Variants in PEBP1 observed in about 807,000 individuals in gnomAD.
PEBP1 encodes the protein phosphatidylethanolamine binding protein 1.
In PEBP1, 17 loss-of-function variants were observed where a neutral mutation model predicts 22.7. That is an observed-to-expected ratio of 0.75 (90% CI 0.51 to 1.12). The LOEUF (loss-of-function observed/expected upper bound fraction) is 1.12, where lower values mean the gene tolerates loss of function less well. Ranked by LOEUF, PEBP1 falls within the 50% of genes most tolerant of loss-of-function variation. PEBP1 has a pLI of 0.00. For missense variants in PEBP1, 205 were observed against 243.5 expected (o/e 0.84, Z 1.05); for synonymous variants, 106 against 104.3 (o/e 1.02, Z -0.10).
chr12:118,144,439 A>G lies in PEBP1; in HGVS notation c.347-147A>G. 4.1e-6 allele frequency: 3 copies of G among 726,560 alleles called. No individual in the cohort carries two copies. In the South Asian group the frequency reaches 5.4e-5, roughly 13 times the overall value. 45.0% of individuals were successfully genotyped at this position (726,560 alleles called of 1,614,324 possible). ...TAATTGCCATTAAATGTTAATTTGCACCAAATACCTGTCTGGACCCTCGGT... is the reference window on the plus strand; with the variant it reads ...TAATTGCCATTAAATGTTAATTTGCGCCAAATACCTGTCTGGACCCTCGGT... On this transcript the variant is annotated intron_variant, in intron 3 of 3. Transcript: ENST00000261313.
chr12:118,144,188 G>A (rs1415430634), intron 3 of PEBP1, among the ~76,000 whole-genome samples: 1 of 152,008 alleles, frequency 6.6e-6, no homozygotes, highest in East Asian at 1.9e-4. Flanking sequence ...GTGTTCTGAT[G>A]GGGGGTGGTG....
At chr12:118,138,330 G>A (rs2138082891) in intron 2 of PEBP1, among the ~76,000 whole-genome samples, 182 bp downstream of exon 2, 1 of 152,296 alleles carries the variant, frequency 6.6e-6, no homozygotes, top group South Asian at 2.1e-4. Flanking sequence ...ACAGCCGAGA[G>A]CCATATCCAC....
At chr12:118,139,071 T>G in intron 2 of PEBP1, 1 of 233,310 alleles carries the variant, frequency 4.3e-6, no homozygotes, top group South Asian at 4.6e-5. Flanking sequence ...TTCCAGCACT[T>G]TGGGAGGCCG....
intron 3 of PEBP1, among the ~76,000 whole-genome samples, chr12:118,143,481 A>G (rs773879764): frequency 1.3e-5 from 2 of 152,238 alleles, no homozygotes; most frequent in Non-Finnish European, 2.9e-5. Flanking sequence ...TTGTGTGTAT[A>G]AACCACATTC....
chr12:118,138,803 T>C (rs2034089236), intron 2 of PEBP1, among the ~76,000 whole-genome samples: 1 of 152,202 alleles, frequency 6.6e-6, no homozygotes, highest in Admixed American at 6.5e-5. Context: ...GTTAACGTTT[T>C]ATTGGAGCAA....
rs767503244 is a variant in PEBP1 at position 118,136,183 on chromosome 12, C to T, written c.-27C>T. ...CGCGCCTGGCCTACCGCGGCACTCC[C>T]GGCTGCACGCTCTGCTTGGCCTCGC... On this transcript the variant is annotated 5_prime_UTR_variant, in exon 1 of 4. Coordinates refer to ENST00000261313, the MANE Select transcript of PEBP1 (RefSeq NM_002567.4). This position sits in a 1 kb window ranked among gnomAD's most constrained non-coding sequence, Gnocchi z 5.6. 1 of 1,541,650 alleles carries T rather than the reference C, an allele frequency of 6.5e-7. No homozygotes were observed. Among genetic ancestry groups the T allele is most frequent in the East Asian group, 2.5e-5 (1 of 40,790 alleles).
At position 118,136,379 on chromosome 12, in the gene PEBP1, G is replaced by A; in HGVS notation, c.135+35G>A. On this transcript the variant is annotated intron_variant, in intron 1 of 3. Transcript: ENST00000261313. The surrounding 1 kb of genome is among the most constrained non-coding windows in gnomAD (Gnocchi z 5.6). Reference sequence around the variant, plus strand: ...GCGGCGGGCGTGCAGCGAGCGGCACGGCGCGGAGGCCTGTGCCGGCCTCCT... The same window carrying A: ...GCGGCGGGCGTGCAGCGAGCGGCACAGCGCGGAGGCCTGTGCCGGCCTCCT... 1.3e-6 allele frequency: 2 copies of A among 1,524,076 alleles called. No individual in the cohort carries two copies. The highest frequency in any genetic ancestry group is 2.5e-5 in the South Asian group (2 of 81,402). 94.4% of individuals were successfully genotyped at this position (1,524,076 alleles called of 1,614,324 possible). A position where few individuals can be genotyped will look rare whatever the true frequency, so the allele number is the denominator to read the frequency against.
rs570592739 is a variant in PEBP1, at chr12:118,139,556, G to C, written c.346+5G>C. Reference sequence around the variant, plus strand: ...CGGGGCCTCCCAAGGGCACAGGTTAGTAAAGGTTGTTTTTGGTGGGAGGTT... The same window carrying C: ...CGGGGCCTCCCAAGGGCACAGGTTACTAAAGGTTGTTTTTGGTGGGAGGTT... On this transcript the variant is annotated splice_donor_5th_base_variant and intron_variant, in intron 3 of 3. Transcript: ENST00000261313. 1 of 1,597,674 alleles carries C rather than the reference G, an allele frequency of 6.3e-7. No individual in the cohort carries two copies.
chr12:118,137,469 C>T (rs552525899), intron 1 of PEBP1, among the ~76,000 whole-genome samples: 47 of 152,126 alleles, frequency 3.1e-4, no homozygotes, highest in South Asian at 6.2e-4. Flanking sequence ...GAGGATCGAT[C>T]GATTGAGCGC....
At chr12:118,144,526 T>C in intron 3 of PEBP1, 60 bp from the exon 4 acceptor site, 1 of 1,488,152 alleles carries the variant, frequency 6.7e-7, no homozygotes, top group Non-Finnish European at 9.2e-7. Context: ...TAAAAATGGA[T>C]GATGTCCCCA....
intron 3 of PEBP1, among the ~76,000 whole-genome samples, chr12:118,143,787 C>G (rs1259260894): frequency 6.6e-6 from 1 of 151,908 alleles, no homozygotes; most frequent in African/African-American, 2.4e-5. Flanking sequence ...TACCTGTAAT[C>G]CTAGCTACTC....
In PEBP1 at chr12:118,138,683, A is replaced by T. The variant is rs112791490; in HGVS notation, c.245+535A>T. ...AGTGCTGGGATTACAGGTGTGAGCC[A>T]CTATGCCCGGCCTGGTTTTCACATT... is the stretch of plus-strand genomic sequence containing the variant. On this transcript the variant is annotated intron_variant, in intron 2 of 3. Transcript: ENST00000261313. Among the ~76,000 whole-genome samples, 1,253 of 152,288 alleles carry T rather than the reference A, an allele frequency of 8.2e-3. 18 individuals are homozygous for T. The highest frequency in any genetic ancestry group is 0.029 in the African/African-American group (1,213 of 41,566).
intron 2 of PEBP1, among the ~76,000 whole-genome samples, chr12:118,138,828 T>C (rs1233949061): frequency 6.6e-6 from 1 of 152,240 alleles, no homozygotes; most frequent in Non-Finnish European, 1.5e-5. Context: ...ATGTGTCATC[T>C]GTGGCTGCTT....
intron 3 of PEBP1, among the ~76,000 whole-genome samples, chr12:118,141,394 C>T (rs959265937): frequency 2.6e-5 from 4 of 152,154 alleles, no homozygotes; most frequent in East Asian, 3.9e-4. Context: ...GGATTACAGG[C>T]GTGAGCCACT....
intron 2 of PEBP1, chr12:118,139,186 G>A (rs1324786916): frequency 2.9e-5 from 10 of 341,342 alleles, no homozygotes; most frequent in South Asian, 1.9e-4. Flanking sequence ...GATGGCAGGC[G>A]CCTGTAATCC....
At position 118,137,823 on chromosome 12, in the gene PEBP1, G is replaced by T. The variant is rs370739519; in HGVS notation, c.136-216G>T. On this transcript the variant is annotated intron_variant, in intron 1 of 3. Coordinates refer to ENST00000261313, the MANE Select transcript of PEBP1 (RefSeq NM_002567.4). ...CCACCTCAGCCTCCCGAGTAGCTGG[G>T]ATTACAGATTCCCGCCACCATGCCC... Among the ~76,000 whole-genome samples the T allele has an allele frequency of 2.6e-5, 4 of 152,130 alleles. No homozygotes were observed. The East Asian group carries it at 5.8e-4, about 22-fold the overall frequency.
At chr12:118,143,844 G>A (rs949168045) in intron 3 of PEBP1, among the ~76,000 whole-genome samples, 44 of 149,152 alleles carry the variant, frequency 3.0e-4, no homozygotes, top group African/African-American at 1.1e-3. Context: ...GGCTGAGGTT[G>A]TAGTGAGCCG....
Position 118,145,010 on chromosome 12 carries a change from T to C in PEBP1, c.*207T>C, listed in dbSNP as rs2034145431. On this transcript the variant is annotated 3_prime_UTR_variant, in exon 4 of 4. Transcript: ENST00000261313. ...ACTCTGATTTATGTTTTGATCAAAT[T>C]TGAACTTCATTTTGGGGGGTATTTT... 2.0e-6 allele frequency: 3 copies of C among 1,506,166 alleles called. No individual in the cohort carries two copies. The highest frequency in any genetic ancestry group is 1.8e-6 in the Non-Finnish European group (2 of 1,128,672). The allele number at this position is 1,506,166 out of a possible 1,614,324, so 93.3% of individuals were successfully genotyped here. A position where few individuals can be genotyped will look rare whatever the true frequency, so the allele number is the denominator to read the frequency against.
In PEBP1 at chr12:118,140,631, C is replaced by G. The variant is rs2034105881; in HGVS notation, c.346+1080C>G. 1.3e-5 allele frequency among the ~76,000 whole-genome samples: 2 copies of G among 151,936 alleles called. 1 individual carries two copies. The highest frequency in any genetic ancestry group is 4.8e-5 in the African/African-American group (2 of 41,350). On this transcript the variant is annotated intron_variant, in intron 3 of 3. Coordinates refer to ENST00000261313, the MANE Select transcript of PEBP1 (RefSeq NM_002567.4). ...CTCGCTCACTGCAAGCTCCACCTCCCCGGTTCATGCCATTCTCCTGCCTCA... is the reference window on the plus strand; with the variant it reads ...CTCGCTCACTGCAAGCTCCACCTCCGCGGTTCATGCCATTCTCCTGCCTCA...
Sources: gnomAD v4.1 joint callset for allele counts (sites outside exome capture counted in the v4.1 genomes callset) on GRCh38, gnomAD v4.1.1 for gene constraint, Gnocchi (gnomAD v3.1) non-coding constraint, MANE v1.5 for transcripts, NCBI Gene and HGNC (gene_info 2026-07-23, HGNC 2026-07-21) for gene names.